GABRB3: variants seen among roughly 807,000 people sequenced by gnomAD.
GABRB3 encodes the protein gamma-aminobutyric acid receptor subunit beta-3.
Under a neutral mutation model 52.1 loss-of-function variants are expected in GABRB3, and 14 were observed. The observed-to-expected ratio is 0.27, with a 90% CI of 0.18 to 0.42. The LOEUF is 0.42. GABRB3 is among the 10% of genes least tolerant of loss of function. The pLI, the probability that GABRB3 is intolerant of heterozygous loss-of-function variation, is 1.00. For missense variants in GABRB3, 307 were observed against 609.1 expected, an observed-to-expected ratio of 0.50 and a Z score of 5.22; for synonymous variants, 260 against 232.3, an observed-to-expected ratio of 1.12 and a Z score of -1.08.
rs1889288552 is a variant in GABRB3, at chr15:26,547,282, G to A, written c.*511C>T. 2.7e-6 allele frequency: 1 copy of A among 376,602 alleles called. No homozygotes were observed. The highest frequency in any genetic ancestry group is 4.7e-6 in the Non-Finnish European group (1 of 212,290). 23.3% of individuals were successfully genotyped at this position (376,602 alleles called of 1,614,324 possible). A position where few individuals can be genotyped will look rare whatever the true frequency, so the allele number is the denominator to read the frequency against. ...ACTAAACTGAACGAGAGGATATGAAGTAAGTGACTCATTTTAAACTAGCAA... is the reference window on the plus strand; with the variant it reads ...ACTAAACTGAACGAGAGGATATGAAATAAGTGACTCATTTTAAACTAGCAA... On this transcript the variant is annotated 3_prime_UTR_variant, in exon 9 of 9. Transcript: ENST00000311550.
Position 26,702,077 on chromosome 15 carries a change from T to C in GABRB3, c.240+70325A>G, listed in dbSNP as rs114747181. Among the ~76,000 whole-genome samples the C allele has an allele frequency of 4.8e-3, 730 of 152,264 alleles. 7 individuals are homozygous for C. The highest frequency in any genetic ancestry group is 0.017 in the African/African-American group (691 of 41,566). On this transcript the variant is annotated intron_variant, in intron 3 of 8. Coordinates refer to ENST00000311550, the MANE Select transcript of GABRB3 (RefSeq NM_000814.6). ...GAACTTCAACCCAGACCTTCCACTATACATAAAAATCAAGTGGAAAAGAAC... is the reference window on the plus strand; with the variant it reads ...GAACTTCAACCCAGACCTTCCACTACACATAAAAATCAAGTGGAAAAGAAC...
At chr15:26,617,102 CAA>C (rs1163443778) in intron 4 of GABRB3, among the ~76,000 whole-genome samples, 2 of 152,096 alleles carry the variant, frequency 1.3e-5, no homozygotes, top group East Asian at 1.9e-4. Context: ...GCTTACCAAC[CAA>C]AAAGAGTCCA....
At chr15:26,740,724 C>A (rs2140160033) in intron 3 of GABRB3, among the ~76,000 whole-genome samples, 1 of 152,296 alleles carries the variant, frequency 6.6e-6, no homozygotes, top group African/African-American at 2.4e-5. Context: ...CAGTATCAGG[C>A]AATAGGAGCC....
At chr15:26,567,548 TAC>T in intron 7 of GABRB3, 31 bp downstream of exon 7, 1 of 1,605,388 alleles carries the variant, frequency 6.2e-7, no homozygotes, top group Admixed American at 1.7e-5. Context: ...ACGGTTACTT[TAC>T]ATTTAAATAT....
At position 26,550,888 on chromosome 15, in the gene GABRB3, A is replaced by G. The variant is rs141067879; in HGVS notation, c.1081-2754T>C. Among the ~76,000 whole-genome samples the G allele has an allele frequency of 8.7e-3, 1,322 of 152,352 alleles. 24 individuals carry two copies. The highest frequency in any genetic ancestry group is 0.026 in the African/African-American group (1,066 of 41,586). ...TTTGTGGTAATCTGTTACAGTGGCA[A>G]TCAAAACTACTATAGGAGGTGAGAG... is the stretch of plus-strand genomic sequence containing the variant. On this transcript the variant is annotated intron_variant, in intron 8 of 8. Transcript: ENST00000311550.
At chr15:26,677,018 C>T (rs954958665) in intron 3 of GABRB3, among the ~76,000 whole-genome samples, 1 of 152,184 alleles carries the variant, frequency 6.6e-6, no homozygotes, top group African/African-American at 2.4e-5. Flanking sequence ...GGTCTGGGAC[C>T]TGTGCTGGGA....
At chr15:26,634,536 T>A (rs1348797541) in intron 3 of GABRB3, among the ~76,000 whole-genome samples, 1 of 152,034 alleles carries the variant, frequency 6.6e-6, no homozygotes, top group Non-Finnish European at 1.5e-5. Flanking sequence ...TGGCAACGGA[T>A]TAGAGGATGA....
At chr15:26,773,558 C>T (rs1051303652), upstream of GABRB3, 6 of 1,040,482 alleles carry the variant, frequency 5.8e-6, no homozygotes, top group African/African-American at 1.6e-5. Flanking sequence ...AGCCCGAGAG[C>T]CCCCGGGTGC....
upstream of GABRB3, chr15:26,773,076 C>A (rs1891203416): frequency 3.0e-6 from 3 of 996,400 alleles, no homozygotes; most frequent in Non-Finnish European, 3.6e-6. Context: ...TGGCCCGGAG[C>A]GGAGGAGGGC....
chr15:26,580,683 G>A (rs564876396), intron 5 of GABRB3: 2 of 618,694 alleles, frequency 3.2e-6, no homozygotes, highest in Admixed American at 4.6e-5. Flanking sequence ...CGAGAGGCTG[G>A]GGAGAATGGG....
chr15:26,576,961 G>A (rs1162548331), intron 6 of GABRB3, among the ~76,000 whole-genome samples: 7 of 152,200 alleles, frequency 4.6e-5, no homozygotes, highest in Admixed American at 4.6e-4. Flanking sequence ...CAGCTGTCTA[G>A]TAGAAGCAAG....
intron 4 of GABRB3, among the ~76,000 whole-genome samples, chr15:26,597,852 C>T (rs905727060): frequency 6.6e-6 from 1 of 152,146 alleles, no homozygotes; most frequent in Non-Finnish European, 1.5e-5. Flanking sequence ...AAAATTAAAT[C>T]TTTAAAATTA....
intron 3 of GABRB3, among the ~76,000 whole-genome samples, chr15:26,662,180 T>C (rs1476728223): frequency 6.6e-6 from 1 of 152,204 alleles, no homozygotes; most frequent in African/African-American, 2.4e-5. Context: ...GATCTATACT[T>C]ATCCTCTTTC....
chr15:26,625,983 G>A (rs1892676861), intron 3 of GABRB3, among the ~76,000 whole-genome samples: 1 of 152,148 alleles, frequency 6.6e-6, no homozygotes, highest in Admixed American at 6.5e-5. Flanking sequence ...CACAGATACT[G>A]CATTTTTAAC....
chr15:26,667,258 T>C (rs1887745815), intron 3 of GABRB3, among the ~76,000 whole-genome samples: 1 of 152,190 alleles, frequency 6.6e-6, no homozygotes, highest in African/African-American at 2.4e-5. Flanking sequence ...AGGAGTGAAC[T>C]GCCAAGCAGC....
intron 3 of GABRB3, among the ~76,000 whole-genome samples, chr15:26,673,005 GA>G (rs1392766723): frequency 1.4e-4 from 22 of 152,112 alleles, no homozygotes; most frequent in Non-Finnish European, 1.3e-4. Flanking sequence ...GCACAAAATG[GA>G]AAAACTTGCA....
intron 4 of GABRB3, among the ~76,000 whole-genome samples, chr15:26,603,607 G>A (rs1013533720): frequency 2.0e-5 from 3 of 151,954 alleles, no homozygotes; most frequent in African/African-American, 7.2e-5. Flanking sequence ...AGAGATGCAA[G>A]GATGGTTCAA....
chr15:26,642,515 A>AG, intron 3 of GABRB3: 1 of 1,288,374 alleles, frequency 7.8e-7, no homozygotes, highest in South Asian at 1.2e-5. Context: ...CTAGCTGTGC[A>AG]GTTCCTGCAT....
chr15:26,755,342 C>G (rs937474569), intron 3 of GABRB3, among the ~76,000 whole-genome samples: 9 of 152,090 alleles, frequency 5.9e-5, no homozygotes, highest in African/African-American at 2.2e-4. Flanking sequence ...TTAGGCCTGA[C>G]TTCTGAGAAA....
Sources: allele counts gnomAD v4.1 joint callset (sites outside exome capture counted in the v4.1 genomes callset), GRCh38; gene constraint gnomAD v4.1.1; transcripts MANE v1.5; gene names NCBI Gene and HGNC (gene_info 2026-07-23, HGNC 2026-07-21).